Variants in GRIK2 observed in about 807,000 individuals in gnomAD.
GRIK2 encodes glutamate ionotropic receptor kainate type subunit 2.
GRIK2 carries 32 observed loss-of-function variants against 100.3 expected under a neutral mutation model. The ratio of observed to expected loss-of-function variants is 0.32; its 90% CI spans 0.24 to 0.43. GRIK2 has a LOEUF of 0.43. GRIK2 is among the 20% of genes least tolerant of loss of function. The probability of loss-of-function intolerance (pLI) is 1.00; values close to 1 mark genes in which losing one functional copy is unlikely to be tolerated. For synonymous variants in GRIK2, 417 were observed against 389.4 expected, an observed-to-expected ratio of 1.07 and a Z score of -0.83; for missense variants, 843 against 1,114.9, an observed-to-expected ratio of 0.76 and a Z score of 3.47.
At chr6:101,989,580 T>A (rs1040002909) in intron 14 of GRIK2, among the ~76,000 whole-genome samples, 1 of 151,684 alleles carries the variant, frequency 6.6e-6, no homozygotes, top group African/African-American at 2.4e-5. Flanking sequence ...GGATTAGCCA[T>A]GGATTTTGTC....
intron 14 of GRIK2, among the ~76,000 whole-genome samples, chr6:102,018,780 C>G (rs1316491215): frequency 6.6e-6 from 1 of 151,996 alleles, no homozygotes; most frequent in African/African-American, 2.4e-5. Flanking sequence ...ATAATAAAGA[C>G]TTTTGAGCTC....
intron 2 of GRIK2, among the ~76,000 whole-genome samples, chr6:101,612,160 C>G (rs1486340473): frequency 6.6e-6 from 1 of 151,812 alleles, no homozygotes; most frequent in Non-Finnish European, 1.5e-5. Context: ...TAGGAAGGCA[C>G]TGAGGATGCT....
chr6:101,546,819 C>CTT (rs1169622526), intron 2 of GRIK2, among the ~76,000 whole-genome samples: 831 of 76,912 alleles, frequency 0.011, 196 homozygotes, highest in African/African-American at 0.019. Flanking sequence ...GTTTTTGTTT[C>CTT]TTTTTTTTTT....
intron 14 of GRIK2, among the ~76,000 whole-genome samples, chr6:101,954,745 G>T (rs1285664097): frequency 6.6e-6 from 1 of 152,052 alleles, no homozygotes; most frequent in African/African-American, 2.4e-5. Flanking sequence ...ACAGTATAAT[G>T]TTGAATGTAA....
chr6:102,054,902 T>C (rs971655463), intron 15 of GRIK2, among the ~76,000 whole-genome samples: 2 of 152,196 alleles, frequency 1.3e-5, no homozygotes, highest in Non-Finnish European at 1.5e-5. Context: ...TTACTGCATT[T>C]AATCTTTGGA....
At chr6:101,716,369 A>G (rs1007437545) in intron 7 of GRIK2, among the ~76,000 whole-genome samples, 4 of 151,714 alleles carry the variant, frequency 2.6e-5, no homozygotes, top group African/African-American at 7.2e-5. Context: ...TAGTAATTGT[A>G]AATACTATCT....
intron 12 of GRIK2, among the ~76,000 whole-genome samples, chr6:101,924,132 T>C (rs1306905841): frequency 5.9e-5 from 9 of 152,128 alleles, no homozygotes; most frequent in Non-Finnish European, 8.8e-5. Context: ...CTGCATTGAT[T>C]ATTTTAATCT....
chr6:101,642,567 C>T (rs759479441), intron 4 of GRIK2, among the ~76,000 whole-genome samples: 12 of 151,534 alleles, frequency 7.9e-5, no homozygotes, highest in Middle Eastern at 3.2e-3. Flanking sequence ...TGTAAAGTGT[C>T]GAAATTTTCT....
chr6:101,624,907 T>G lies in GRIK2; in HGVS notation c.284-1473T>G, dbSNP rs682720. 5.5e-3 allele frequency among the ~76,000 whole-genome samples: 837 copies of G among 152,118 alleles called. 12 individuals are homozygous for G. Among genetic ancestry groups the G allele is most frequent in the African/African-American group, 0.02 (812 of 41,504 alleles). On this transcript the variant is annotated intron_variant, in intron 3 of 16. Transcript: ENST00000369134. Reference sequence around the variant, plus strand: ...GCACCATGCCCAGCTGAATTTTTTTTTGTTTCTTTTTGTTTGTTTGTTTTT... The same window carrying G: ...GCACCATGCCCAGCTGAATTTTTTTGTGTTTCTTTTTGTTTGTTTGTTTTT...
intron 16 of GRIK2, chr6:102,064,170 T>G: frequency 1.8e-6 from 1 of 566,684 alleles, no homozygotes; most frequent in Non-Finnish European, 3.2e-6. Context: ...GTGCGTGGGT[T>G]TCCACCCCTA....
intron 9 of GRIK2, among the ~76,000 whole-genome samples, chr6:101,804,386 C>T (rs571986412): frequency 6.6e-6 from 1 of 151,976 alleles, no homozygotes; most frequent in Admixed American, 6.6e-5. Context: ...GAAAGAATAG[C>T]CCTGAAGGCT....
chr6:101,640,527 G>T (rs1781233296), intron 4 of GRIK2, among the ~76,000 whole-genome samples: 1 of 152,078 alleles, frequency 6.6e-6, no homozygotes. Context: ...AGAATTATCT[G>T]GACCTACAGC....
intron 12 of GRIK2, among the ~76,000 whole-genome samples, chr6:101,911,274 T>A (rs1788668779): frequency 6.6e-6 from 1 of 151,494 alleles, no homozygotes; most frequent in Non-Finnish European, 1.5e-5. Context: ...CAATATGAGG[T>A]GCCTGTCACA....
intron 14 of GRIK2, among the ~76,000 whole-genome samples, chr6:102,001,107 A>T (rs1379309070): frequency 1.3e-5 from 2 of 152,098 alleles, no homozygotes; most frequent in African/African-American, 4.8e-5. Flanking sequence ...CCATAACATA[A>T]CATAACATTC....
Position 101,398,878 on chromosome 6 carries a change from T to A in GRIK2, c.-293-107T>A, listed in dbSNP as rs746806528. 4.9e-4 allele frequency: 207 copies of A among 425,976 alleles called. 1 individual carries two copies. Among genetic ancestry groups the A allele is most frequent in the Admixed American group, 2.5e-4 (6 of 23,952 alleles). 26.4% of individuals were successfully genotyped at this position (425,976 alleles called of 1,614,324 possible). On this transcript the variant is annotated intron_variant, in intron 1 of 16. Transcript: ENST00000369134. The stretch of plus-strand genomic sequence containing the variant: ...CAGTAGAATAGGGCCTGGCAAAACC[T>A]TTGCTAGCAAAGCGCCTTTTGTGCC...
chr6:101,878,070 G>GTATATTATATTATAT (rs67537651), intron 11 of GRIK2, among the ~76,000 whole-genome samples: 60 of 135,560 alleles, frequency 4.4e-4, no homozygotes, highest in Admixed American at 6.2e-4. Flanking sequence ...ATCGTGCCAG[G>GTATATTATATTATAT]TATATTATAT....
intron 2 of GRIK2, among the ~76,000 whole-genome samples, chr6:101,503,880 G>C (rs1773892853): frequency 6.6e-6 from 1 of 152,118 alleles, no homozygotes; most frequent in Non-Finnish European, 1.5e-5. Flanking sequence ...GGTGCAGCAG[G>C]AGGTTGTGGG....
At chr6:101,690,949 A>G (rs997134387) in intron 7 of GRIK2, among the ~76,000 whole-genome samples, 2 of 152,088 alleles carry the variant, frequency 1.3e-5, no homozygotes, top group African/African-American at 4.8e-5. Flanking sequence ...TCCATGTTGA[A>G]AGTTAACTCT....
intron 5 of GRIK2, among the ~76,000 whole-genome samples, chr6:101,678,792 A>G (rs1771028608): frequency 6.6e-6 from 1 of 152,268 alleles, no homozygotes; most frequent in Admixed American, 6.5e-5. Flanking sequence ...GACTATGCAG[A>G]AAAATAAATG....
Sources: gnomAD v4.1 joint callset for allele counts (sites outside exome capture counted in the v4.1 genomes callset) on GRCh38, gnomAD v4.1.1 for gene constraint, MANE v1.5 for transcripts, NCBI Gene and HGNC (gene_info 2026-07-23, HGNC 2026-07-21) for gene names.